The following HMGXB4 variants were observed in gnomAD, a reference collection of about 807,000 sequenced individuals.
The protein encoded by HMGXB4 is HMG-box containing 4.
HMGXB4 carries 27 observed loss-of-function variants against 63.9 expected under a neutral mutation model. That is an observed-to-expected ratio of 0.42 (90% confidence interval 0.31 to 0.58). HMGXB4 has a LOEUF of 0.58. HMGXB4 is among the 20% of genes least tolerant of loss of function. The pLI is 0.13. For missense variants in HMGXB4, 624 were observed against 700.7 expected (o/e 0.89, Z 1.24); for synonymous variants, 264 against 265.3 (o/e 0.99, Z 0.05).
intron 5 of HMGXB4, among the ~76,000 whole-genome samples, chr22:35,278,877 CA>C (rs35984118): frequency 0.07 from 7,516 of 108,142 alleles, 195 homozygotes; most frequent in South Asian, 0.1. Flanking sequence ...TGCATCTCTA[CA>C]AAAAAAAAAA....
At chr22:35,270,288 G>C (rs964721387) in intron 5 of HMGXB4, among the ~76,000 whole-genome samples, 1 of 152,132 alleles carries the variant, frequency 6.6e-6, no homozygotes, top group Non-Finnish European at 1.5e-5. Context: ...AACCCCAGCA[G>C]GTTCCTTATG....
Position 35,264,700 on chromosome 22 carries a change from G to T in HMGXB4, c.312G>T (p.Gln104His), listed in dbSNP as rs1332047306. ...SQKKKKKSSP[Q>H]STDTAMDLLK... ...AGAAAAAGAAAAAGTCCAGCCCACAGTCTACTGATACAGCTATGGACCTGT... is the reference window on the plus strand; with the variant it reads ...AGAAAAAGAAAAAGTCCAGCCCACATTCTACTGATACAGCTATGGACCTGT... Residue 104 changes from glutamine (Q) to histidine (H), a missense_variant, in exon 5 of 11, where the codon CAG becomes CAT. Gln to His is a conservative substitution (Grantham distance 24, BLOSUM62 0). Around this residue, in one of 2 missense-constraint regions of HMGXB4, gnomAD observed 472 missense variants for 470.6 expected, o/e 1.00. Coordinates refer to ENST00000216106, the MANE Select transcript of HMGXB4 (RefSeq NM_001003681.3). The T allele has an allele frequency of 3.7e-6, 6 of 1,606,164 alleles. No homozygotes were observed. Among genetic ancestry groups the T allele is most frequent in the Non-Finnish European group, 5.1e-6 (6 of 1,177,466 alleles).
At chr22:35,278,518 C>T (rs962176455) in intron 5 of HMGXB4, among the ~76,000 whole-genome samples, 5 of 152,154 alleles carry the variant, frequency 3.3e-5, no homozygotes, top group African/African-American at 1.2e-4. Flanking sequence ...TTCCCAATAC[C>T]TTCAATATAT....
chr22:35,293,561 C>G, intron 10 of HMGXB4, 46 bp from the exon 11 acceptor site: 3 of 1,357,358 alleles, frequency 2.2e-6, no homozygotes, highest in Non-Finnish European at 3.1e-6. Context: ...TCTCAGGAAA[C>G]CAAGGTACAG....
At chr22:35,286,910 C>CAT (rs572294968) in intron 7 of HMGXB4, 141 of 152,562 alleles carry the variant, frequency 9.2e-4, no homozygotes, top group Admixed American at 2.1e-3. Flanking sequence ...ATATGAAGGT[C>CAT]ATATAGGAGC....
chr22:35,268,694 A>G (rs1342683698), intron 5 of HMGXB4, among the ~76,000 whole-genome samples: 1 of 152,236 alleles, frequency 6.6e-6, no homozygotes, highest in Non-Finnish European at 1.5e-5. Context: ...AGGAATAAAT[A>G]TCAGGTAAGT....
the HMGXB4 span, among the ~76,000 whole-genome samples, chr22:35,249,067 C>CT: frequency 1.5e-3 from 224 of 151,420 alleles, no homozygotes; most frequent in Non-Finnish European, 2.4e-3. Flanking sequence ...ATTTTCTTTT[C>CT]TTTTTTTTTG....
rs61752255 is a variant in HMGXB4, at chr22:35,264,655, G to A, written c.267G>A (p.Ser89=). Residue 89 remains serine (S), a synonymous_variant, in exon 5 of 11, where the codon TCG becomes TCA. Transcript: ENST00000216106. ...TCTCTTGATTATTTCTAGATATTTC[G>A]TCTTTGGAATCGTCACAGAAGAAAA... The part of the protein sequence containing the change: ...SSDDYYYGDI[S]SLESSQKKKK... The A allele has an allele frequency of 5.2e-3, 8,153 of 1,562,308 alleles. 43 individuals are homozygous for A. The highest frequency in any genetic ancestry group is 7.7e-3 in the Middle Eastern group (44 of 5,750).
At chr22:35,287,800 T>C (rs1924684455) in intron 8 of HMGXB4, among the ~76,000 whole-genome samples, 1 of 151,924 alleles carries the variant, frequency 6.6e-6, no homozygotes, top group African/African-American at 2.4e-5. Flanking sequence ...AATACAAAAT[T>C]AGCCGGGCGT....
In HMGXB4 at chr22:35,283,942, T is replaced by C; in HGVS notation, c.1216-20T>C. 1 of 1,586,438 alleles carries C rather than the reference T, an allele frequency of 6.3e-7. No individual in the cohort carries two copies. Among genetic ancestry groups the C allele is most frequent in the Non-Finnish European group, 8.7e-7 (1 of 1,154,296 alleles). Reference sequence around the variant, plus strand: ...GTTCTAATCAAGTCTTACCCTGTTGTATCTTCTATGCGGCATTAGCCAAAA... The same window carrying C: ...GTTCTAATCAAGTCTTACCCTGTTGCATCTTCTATGCGGCATTAGCCAAAA... On this transcript the variant is annotated intron_variant, in intron 5 of 10. Coordinates refer to ENST00000216106, the MANE Select transcript of HMGXB4 (RefSeq NM_001003681.3).
upstream of HMGXB4, among the ~76,000 whole-genome samples, chr22:35,254,686 A>G (rs958839823): frequency 1.3e-5 from 2 of 152,232 alleles, no homozygotes; most frequent in African/African-American, 2.4e-5. Context: ...AATTCTGTTC[A>G]CTGTTCTATT....
At chr22:35,270,066 A>G (rs1386130171) in intron 5 of HMGXB4, among the ~76,000 whole-genome samples, 1 of 152,224 alleles carries the variant, frequency 6.6e-6, no homozygotes. Context: ...AAAATTGACA[A>G]GATCTACCTA....
rs1923020463 is a variant in HMGXB4 at position 35,263,804 on chromosome 22, A to G, written c.189A>G (p.Glu63=). Residue 63 remains glutamate, a synonymous_variant, in exon 4 of 11, where the codon GAA becomes GAG. Coordinates refer to ENST00000216106, the MANE Select transcript of HMGXB4 (RefSeq NM_001003681.3). The part of the protein sequence containing the change: ...NSSKKKLKDS[E]LYFLGTDTHK... ...TTCTTCTTTAATTATAGGATAGTGAACTTTACTTCTTGGGGACGGACACAC... is the reference window on the plus strand; with the variant it reads ...TTCTTCTTTAATTATAGGATAGTGAGCTTTACTTCTTGGGGACGGACACAC... 6.2e-7 allele frequency: 1 copy of G among 1,610,946 alleles called. No homozygotes were observed. Among genetic ancestry groups the G allele is most frequent in the South Asian group, 1.1e-5 (1 of 91,040 alleles).
At chr22:35,268,308 C>T (rs888543538) in intron 5 of HMGXB4, among the ~76,000 whole-genome samples, 2 of 152,180 alleles carry the variant, frequency 1.3e-5, no homozygotes, top group African/African-American at 4.8e-5. Flanking sequence ...ACATTTCCCC[C>T]TTCCCTACTC....
chr22:35,271,468 A>G (rs9610279), intron 5 of HMGXB4, among the ~76,000 whole-genome samples: 76,976 of 152,044 alleles, frequency 0.51, 22,623 homozygotes, highest in Non-Finnish European at 0.65. Context: ...AGATCGGGAG[A>G]TTCAACATAG....
chr22:35,258,140 T>G (rs2235145), intron 1 of HMGXB4: 78,913 of 152,144 alleles, frequency 0.52, 23,079 homozygotes, highest in Non-Finnish European at 0.65. Context: ...CTGGTTTGCC[T>G]TGGGGACCAC....
rs1018772597 is a variant in HMGXB4 at position 35,279,825 on chromosome 22, T to C, written c.1216-4137T>C. Reference sequence around the variant, plus strand: ...TTTAGGTAGATTTGTTTCTGGGCCCTCTGTTCTGTTCCATTGATGTATTTG... The same window carrying C: ...TTTAGGTAGATTTGTTTCTGGGCCCCCTGTTCTGTTCCATTGATGTATTTG... On this transcript the variant is annotated intron_variant, in intron 5 of 10. Coordinates refer to ENST00000216106, the MANE Select transcript of HMGXB4 (RefSeq NM_001003681.3). 7.2e-5 allele frequency among the ~76,000 whole-genome samples: 11 copies of C among 152,256 alleles called. No individual in the cohort carries two copies. The East Asian group carries it at 1.3e-3, about 19-fold the overall frequency.
rs1165419693 is a variant in HMGXB4 at position 35,295,541 on chromosome 22, TG to T, written c.*1891del. ...CATTAATGAAATCCTGATGAGGACCTGCTTTTTGTTTGTTTTCCTTTGAAAC... is the reference window on the plus strand; with the variant it reads ...CATTAATGAAATCCTGATGAGGACCTCTTTTTGTTTGTTTTCCTTTGAAAC... On this transcript the variant is annotated 3_prime_UTR_variant, in exon 11 of 11. Coordinates refer to ENST00000216106, the MANE Select transcript of HMGXB4 (RefSeq NM_001003681.3). 6.6e-6 allele frequency: 1 copy of T among 152,664 alleles called. No individual in the cohort carries two copies. The highest frequency in any genetic ancestry group is 1.5e-5 in the Non-Finnish European group (1 of 68,040). The allele number at this position is 152,664 out of a possible 1,614,324, so 9.5% of individuals were successfully genotyped here.
At chr22:35,290,680 T>TC (rs143339882) in intron 9 of HMGXB4, among the ~76,000 whole-genome samples, 8,984 of 150,918 alleles carry the variant, frequency 0.06, 354 homozygotes, top group African/African-American at 0.11. Context: ...TGGCAGTTAT[T>TC]CCCCATTCTC....
Sources: allele counts gnomAD v4.1 joint callset (sites outside exome capture counted in the v4.1 genomes callset), GRCh38; gene constraint gnomAD v4.1.1; regional missense constraint gnomAD v4.1.1; transcripts MANE v1.5; gene names NCBI Gene and HGNC (gene_info 2026-07-23, HGNC 2026-07-21).